The following ATP8A2 variants were observed in gnomAD, a reference collection of about 807,000 sequenced individuals.
ATP8A2 encodes the protein phospholipid-transporting ATPase IB.
Under a neutral mutation model 165.6 loss-of-function variants are expected in ATP8A2, and 100 were observed. The observed-to-expected ratio is 0.60, with a 90% CI of 0.51 to 0.71. ATP8A2 has a LOEUF of 0.71. Among genes scored for constraint, ATP8A2 ranks in the 30% least tolerant of loss-of-function variants. The pLI is 0.00. For synonymous variants in ATP8A2, 543 were observed against 548.8 expected (o/e 0.99, Z 0.15); for missense variants, 1,227 against 1,479.5 (o/e 0.83, Z 2.80).
intron 24 of ATP8A2, among the ~76,000 whole-genome samples, chr13:25,612,411 A>C (rs1212754401): frequency 6.6e-6 from 1 of 152,168 alleles, no homozygotes; most frequent in Non-Finnish European, 1.5e-5. Context: ...ATTCAGTAGC[A>C]GGTTATTTAA....
At chr13:25,503,914 TA>T (rs1459879804) in intron 2 of ATP8A2, among the ~76,000 whole-genome samples, 3 of 152,008 alleles carry the variant, frequency 2.0e-5, no homozygotes, top group African/African-American at 4.8e-5. Context: ...TGTAGATCTT[TA>T]AAAAAAACTT....
At chr13:25,521,608 G>A (rs768430964) in intron 2 of ATP8A2, among the ~76,000 whole-genome samples, 12 of 152,120 alleles carry the variant, frequency 7.9e-5, no homozygotes, top group Admixed American at 3.9e-4. Flanking sequence ...CAGTTTTCCC[G>A]GCATCATTTA....
At chr13:25,768,579 CCA>C (rs1159623344) in intron 25 of ATP8A2, among the ~76,000 whole-genome samples, 1 of 152,090 alleles carries the variant, frequency 6.6e-6, no homozygotes, top group Non-Finnish European at 1.5e-5. Context: ...TCATGCCCTG[CCA>C]ATTTCCTTTC....
intron 25 of ATP8A2, among the ~76,000 whole-genome samples, chr13:25,720,115 C>T (rs1036561297): frequency 6.6e-6 from 1 of 151,310 alleles, no homozygotes; most frequent in African/African-American, 2.4e-5. Flanking sequence ...GTTAAAATAC[C>T]CAGCATGATT....
intron 14 of ATP8A2, 26 bp from the exon 15 acceptor site, chr13:25,559,695 C>G: frequency 6.2e-7 from 1 of 1,600,522 alleles, no homozygotes; most frequent in Non-Finnish European, 8.6e-7. Flanking sequence ...GTTTTGTGAC[C>G]ACTCTGTTTT....
At chr13:25,871,099 T>C in intron 33 of ATP8A2, 1 of 281,824 alleles carries the variant, frequency 3.5e-6, no homozygotes, top group South Asian at 3.1e-5. Flanking sequence ...CCCCGCGGCT[T>C]TGATTGAGTG....
At chr13:25,702,498 A>G (rs956535915) in intron 25 of ATP8A2, among the ~76,000 whole-genome samples, 7 of 152,196 alleles carry the variant, frequency 4.6e-5, no homozygotes, top group Non-Finnish European at 8.8e-5. Context: ...GGGTGTTGCC[A>G]TGTAATTAGT....
intron 1 of ATP8A2, among the ~76,000 whole-genome samples, chr13:25,467,741 T>C (rs937559969): frequency 8.6e-5 from 13 of 151,890 alleles, no homozygotes; most frequent in East Asian, 1.9e-4. Context: ...TTAGTAGAGA[T>C]GGGGTTTCAC....
At chr13:25,474,110 T>G (rs2137544562) in intron 2 of ATP8A2, among the ~76,000 whole-genome samples, 1 of 152,336 alleles carries the variant, frequency 6.6e-6, no homozygotes, top group African/African-American at 2.4e-5. Flanking sequence ...TCATTTCAGG[T>G]GGGCGTTTTA....
At chr13:25,624,479 G>C (rs529721211) in intron 24 of ATP8A2, among the ~76,000 whole-genome samples, 14 of 152,236 alleles carry the variant, frequency 9.2e-5, no homozygotes, top group African/African-American at 3.4e-4. Flanking sequence ...ATTTTGCTAA[G>C]TTGTTAGGTG....
intron 35 of ATP8A2, among the ~76,000 whole-genome samples, chr13:25,973,319 C>T (rs760552196): frequency 1.3e-5 from 2 of 152,130 alleles, no homozygotes; most frequent in South Asian, 2.1e-4. Flanking sequence ...GTAATCTGGA[C>T]GGCCCATCAC....
At chr13:25,483,399 G>A (rs1293075817) in intron 2 of ATP8A2, among the ~76,000 whole-genome samples, 1 of 152,224 alleles carries the variant, frequency 6.6e-6, no homozygotes, top group Non-Finnish European at 1.5e-5. Flanking sequence ...CCCCAGGGGA[G>A]CAGAGATACA....
chr13:25,651,600 T>G (rs2041814766), intron 24 of ATP8A2, among the ~76,000 whole-genome samples: 1 of 152,130 alleles, frequency 6.6e-6, no homozygotes, highest in Non-Finnish European at 1.5e-5. Flanking sequence ...CATCTCTCAG[T>G]TTTATTCAAG....
At chr13:25,999,849 G>A (rs1956599687) in intron 35 of ATP8A2, among the ~76,000 whole-genome samples, 1 of 152,172 alleles carries the variant, frequency 6.6e-6, no homozygotes, top group African/African-American at 2.4e-5. Flanking sequence ...AATTTCTGGA[G>A]GGCTCGTAGT....
chr13:26,012,636 G>C lies in ATP8A2; in HGVS notation c.3469+14G>C. On this transcript the variant is annotated intron_variant, in intron 36 of 36. Coordinates refer to ENST00000381655, the MANE Select transcript of ATP8A2 (RefSeq NM_016529.6). ...AGGGCGTCCCGCGTGAGTACCGCGG[G>C]CGGGGGCTGATGGAGGAGTGGGTGT... The C allele has an allele frequency of 6.8e-7, 1 of 1,470,546 alleles. No homozygotes were observed. Among genetic ancestry groups the C allele is most frequent in the Non-Finnish European group, 9.0e-7 (1 of 1,110,400 alleles). The allele number at this position is 1,470,546 out of a possible 1,614,324, so 91.1% of individuals were successfully genotyped here. A position where few individuals can be genotyped will look rare whatever the true frequency, so the allele number is the denominator to read the frequency against.
chr13:25,859,200 TCAAAAACAAAACAAAACAAAA>T (rs1952265087), intron 30 of ATP8A2, among the ~76,000 whole-genome samples: 2 of 149,374 alleles, frequency 1.3e-5, no homozygotes, highest in South Asian at 4.3e-4. Context: ...AGACTCTGTC[TCAAAAACAAAACAAAACAAAA>T]CAAAACAAAA....
chr13:25,807,059 GTAATCTATATACAAATGCCAAATCCTAT>G (rs1389563398), intron 27 of ATP8A2, among the ~76,000 whole-genome samples: 2 of 151,540 alleles, frequency 1.3e-5, no homozygotes, highest in Admixed American at 1.3e-4. Context: ...TGTTCTTTAT[GTAATCTATATACAAATGCCAAATCCTAT>G]ATGAGATATA....
At chr13:25,858,412 C>T (rs1294416459) in intron 30 of ATP8A2, among the ~76,000 whole-genome samples, 1 of 152,154 alleles carries the variant, frequency 6.6e-6, no homozygotes, top group Non-Finnish European at 1.5e-5. Flanking sequence ...TCGCCCCGTT[C>T]TCCCGATATA....
At chr13:25,733,402 C>T (rs1277385774) in intron 25 of ATP8A2, among the ~76,000 whole-genome samples, 1 of 152,014 alleles carries the variant, frequency 6.6e-6, no homozygotes, top group Admixed American at 6.6e-5. Context: ...ACTTTGTGTT[C>T]GCATATACAT....
Sources: gnomAD v4.1 joint callset for allele counts (sites outside exome capture counted in the v4.1 genomes callset) on GRCh38, gnomAD v4.1.1 for gene constraint, MANE v1.5 for transcripts, NCBI Gene and HGNC (gene_info 2026-07-23, HGNC 2026-07-21) for gene names.